The following TRPM3 variants were observed in gnomAD, a reference collection of about 807,000 sequenced individuals.
TRPM3 encodes long transient receptor potential channel 3.
In TRPM3, 77 loss-of-function variants were observed where a neutral mutation model predicts 181.2. The observed-to-expected ratio is 0.42, with a 90% CI of 0.35 to 0.51. TRPM3 has a LOEUF of 0.51. TRPM3 is among the 20% of genes least tolerant of loss of function. The probability of loss-of-function intolerance (pLI) is 0.01; values close to 1 mark genes in which losing one functional copy is unlikely to be tolerated. For missense variants in TRPM3, 1,759 were observed against 2,196.7 expected, an observed-to-expected ratio of 0.80 and a Z score of 3.98; for synonymous variants, 745 against 796.4, an observed-to-expected ratio of 0.94 and a Z score of 1.09.
intron 22 of TRPM3, among the ~76,000 whole-genome samples, chr9:70,571,204 C>T (rs1055598820): frequency 6.6e-6 from 1 of 152,160 alleles, no homozygotes; most frequent in Non-Finnish European, 1.5e-5. Context: ...CCGGAGCCGG[C>T]CAACATGGGT....
At chr9:70,686,205 A>G (rs1375340949) in intron 8 of TRPM3, among the ~76,000 whole-genome samples, 3 of 152,030 alleles carry the variant, frequency 2.0e-5, no homozygotes, top group African/African-American at 7.2e-5. Context: ...TATACAAATA[A>G]TGATATATGT....
intron 1 of TRPM3, among the ~76,000 whole-genome samples, chr9:71,152,871 T>C (rs551481103): frequency 6.6e-6 from 1 of 152,296 alleles, no homozygotes; most frequent in South Asian, 2.1e-4. Context: ...TCAGGCACTG[T>C]GTTTGGTAGA....
At chr9:71,192,223 T>C (rs1483366301) in intron 1 of TRPM3, among the ~76,000 whole-genome samples, 3 of 151,776 alleles carry the variant, frequency 2.0e-5, no homozygotes, top group Non-Finnish European at 4.4e-5. Flanking sequence ...GAGGGGAGAT[T>C]TGGGAATTTG....
At chr9:70,630,229 G>A (rs766161601) in intron 12 of TRPM3, among the ~76,000 whole-genome samples, 3 of 152,146 alleles carry the variant, frequency 2.0e-5, no homozygotes, top group South Asian at 2.1e-4. Context: ...TCTGTACCTC[G>A]GTTTATGCTG....
chr9:70,612,614 G>A (rs778361769), intron 18 of TRPM3, among the ~76,000 whole-genome samples: 15 of 152,108 alleles, frequency 9.9e-5, no homozygotes, highest in Non-Finnish European at 1.5e-4. Flanking sequence ...TGTGGACTCC[G>A]GCTGGAAAAG....
chr9:70,546,790 G>A (rs2045066002), intron 25 of TRPM3, among the ~76,000 whole-genome samples: 1 of 152,026 alleles, frequency 6.6e-6, no homozygotes, highest in Non-Finnish European at 1.5e-5. Context: ...AGAGGGCATT[G>A]GTTACTCTAC....
intron 1 of TRPM3, among the ~76,000 whole-genome samples, chr9:71,212,863 G>GTATA (rs1208012849): frequency 1.3e-5 from 2 of 151,982 alleles, no homozygotes; most frequent in Non-Finnish European, 2.9e-5. Flanking sequence ...ATGTATGTAT[G>GTATA]TATGTATGTA....
chr9:71,209,909 T>C (rs901068353), intron 1 of TRPM3, among the ~76,000 whole-genome samples: 1 of 152,234 alleles, frequency 6.6e-6, no homozygotes, highest in Non-Finnish European at 1.5e-5. Context: ...AGAGACCATA[T>C]GGCACACAAA....
chr9:71,299,090 C>G (rs373835662), intron 1 of TRPM3, among the ~76,000 whole-genome samples: 1 of 152,166 alleles, frequency 6.6e-6, no homozygotes. Flanking sequence ...TAGTGCACAC[C>G]TTCTGAACGA....
chr9:71,121,055 C>T, intron 1 of TRPM3, 123 bp downstream of exon 1: 3 of 875,076 alleles, frequency 3.4e-6, no homozygotes, highest in Non-Finnish European at 5.2e-6. Flanking sequence ...AGCCACGGAC[C>T]ACAGAGCCAG....
chr9:71,224,916 T>C (rs1274266049), intron 1 of TRPM3, among the ~76,000 whole-genome samples: 1 of 151,838 alleles, frequency 6.6e-6, no homozygotes, highest in Non-Finnish European at 1.5e-5. Context: ...AAATACAAAG[T>C]CAGAGGAGAC....
intron 8 of TRPM3, among the ~76,000 whole-genome samples, chr9:70,695,456 T>C (rs187478950): frequency 1.4e-3 from 209 of 152,338 alleles, no homozygotes; most frequent in African/African-American, 4.8e-3. Context: ...TCTCTCTCCC[T>C]TTGTGGCAGC....
At chr9:71,091,184 T>G (rs1410261472) in intron 1 of TRPM3, among the ~76,000 whole-genome samples, 1 of 152,160 alleles carries the variant, frequency 6.6e-6, no homozygotes, top group Non-Finnish European at 1.5e-5. Flanking sequence ...ATTTTATTCT[T>G]TGGTATGCTG....
At chr9:70,915,479 T>G (rs1048965193) in intron 1 of TRPM3, among the ~76,000 whole-genome samples, 16 of 151,318 alleles carry the variant, frequency 1.1e-4, no homozygotes, top group South Asian at 4.2e-4. Flanking sequence ...TTTTTTTTTT[T>G]TATTTTTAGT....
chr9:70,748,614 C>T (rs887486176), intron 8 of TRPM3, among the ~76,000 whole-genome samples: 2 of 152,048 alleles, frequency 1.3e-5, no homozygotes, highest in Admixed American at 6.6e-5. Context: ...AGTGCCCTTA[C>T]GAAAAAGGCC....
intron 1 of TRPM3, among the ~76,000 whole-genome samples, chr9:71,045,648 T>C (rs564174959): frequency 6.6e-6 from 1 of 152,254 alleles, no homozygotes; most frequent in East Asian, 1.9e-4. Flanking sequence ...CAAGAAATTT[T>C]TGACTGGGAG....
intron 1 of TRPM3, among the ~76,000 whole-genome samples, chr9:71,009,357 C>CA (rs2097712233): frequency 6.6e-6 from 1 of 151,962 alleles, no homozygotes; most frequent in African/African-American, 2.4e-5. Context: ...AAATCTTCAC[C>CA]AAAAAACTGG....
At chr9:71,312,141 T>C (rs1176601345) in intron 1 of TRPM3, among the ~76,000 whole-genome samples, 1 of 152,066 alleles carries the variant, frequency 6.6e-6, no homozygotes, top group Non-Finnish European at 1.5e-5. Flanking sequence ...AAGACACAGA[T>C]TTGAAGAAAA....
At chr9:70,809,700 C>T (rs2091500140) in intron 6 of TRPM3, among the ~76,000 whole-genome samples, 1 of 152,148 alleles carries the variant, frequency 6.6e-6, no homozygotes, top group Non-Finnish European at 1.5e-5. Context: ...TATAGTAACC[C>T]CATCGTTAAG....
Sources: allele counts gnomAD v4.1 joint callset (sites outside exome capture counted in the v4.1 genomes callset), GRCh38; gene constraint gnomAD v4.1.1; transcripts MANE v1.5; gene names NCBI Gene and HGNC (gene_info 2026-07-23, HGNC 2026-07-21).